Variants in NRXN3 observed in about 807,000 individuals in gnomAD.
NRXN3 encodes neurexin 3.
A neutral mutation model predicts 137.6 loss-of-function variants in NRXN3; 32 were observed. The ratio of observed to expected loss-of-function variants is 0.23; its 90% CI spans 0.18 to 0.31. The LOEUF (loss-of-function observed/expected upper bound fraction) is 0.31, where lower values mean the gene tolerates loss of function less well. Among genes scored for constraint, NRXN3 ranks in the 10% least tolerant of loss-of-function variants. The pLI, the probability that NRXN3 is intolerant of heterozygous loss-of-function variation, is 1.00. For missense variants in NRXN3, 1,574 were observed against 2,062.5 expected (o/e 0.76, Z 4.59); for synonymous variants, 798 against 784.5 (o/e 1.02, Z -0.29).
intron 4 of NRXN3, among the ~76,000 whole-genome samples, chr14:78,340,696 A>G (rs185529542): frequency 1.4e-4 from 22 of 152,256 alleles, no homozygotes; most frequent in African/African-American, 4.8e-4. Flanking sequence ...AAGAATGAAA[A>G]TAGAAATTGT....
intron 4 of NRXN3, among the ~76,000 whole-genome samples, chr14:78,577,351 G>A (rs746436943): frequency 1.3e-5 from 2 of 152,194 alleles, no homozygotes; most frequent in Non-Finnish European, 2.9e-5. Flanking sequence ...TTCCAAAGAT[G>A]TATGGGTATT....
rs150808263 is a variant in NRXN3 at position 79,566,795 on chromosome 14, T to C, written c.3445-96983T>C. 5.3e-3 allele frequency among the ~76,000 whole-genome samples: 799 copies of C among 151,816 alleles called. 6 individuals are homozygous for C. Among genetic ancestry groups the C allele is most frequent in the African/African-American group, 0.018 (762 of 41,516 alleles). ...AATGATCTGTAAAAAATCACTTAGT[T>C]GGAACACTTTGTTCATCCTCTAGCA... On this transcript the variant is annotated intron_variant, in intron 16 of 20. Coordinates refer to ENST00000335750, the MANE Select transcript of NRXN3 (RefSeq NM_001330195.2).
chr14:79,079,755 C>T lies in NRXN3; in HGVS notation c.3262+91614C>T, dbSNP rs375620950. 8.5e-5 allele frequency among the ~76,000 whole-genome samples: 13 copies of T among 152,062 alleles called. No individual in the cohort carries two copies. In the South Asian group the frequency reaches 1.0e-3, roughly 12 times the overall value. ...TTGTAATCCCAGCATTTTGGGAGGC[C>T]GAGGCGGGTGGATCACAAGGTCAGG... is the stretch of plus-strand genomic sequence containing the variant. On this transcript the variant is annotated intron_variant, in intron 15 of 20. Coordinates refer to ENST00000335750, the MANE Select transcript of NRXN3 (RefSeq NM_001330195.2).
At chr14:78,640,600 G>A (rs891337904) in intron 4 of NRXN3, among the ~76,000 whole-genome samples, 1 of 152,184 alleles carries the variant, frequency 6.6e-6, no homozygotes, top group African/African-American at 2.4e-5. Context: ...GGGGAAAGAA[G>A]TGAAGAACAG....
intron 6 of NRXN3, among the ~76,000 whole-genome samples, chr14:78,661,171 A>G (rs1255163351): frequency 6.6e-6 from 1 of 152,226 alleles, no homozygotes; most frequent in Non-Finnish European, 1.5e-5. Context: ...GTGCAATATT[A>G]ACAGAATGTA....
intron 8 of NRXN3, among the ~76,000 whole-genome samples, chr14:78,719,672 T>C (rs1213270480): frequency 3.3e-5 from 5 of 152,034 alleles, no homozygotes; most frequent in Non-Finnish European, 7.4e-5. Flanking sequence ...CAAAACCCCG[T>C]CTCTACTAAA....
chr14:78,219,143 A>G (rs1414092854), intron 1 of NRXN3, among the ~76,000 whole-genome samples: 1 of 121,782 alleles, frequency 8.2e-6, no homozygotes, highest in East Asian at 2.0e-4. Flanking sequence ...TACTGGGGTT[A>G]GGAGTTTTGG....
chr14:78,878,497 A>AT (rs796707630), intron 10 of NRXN3, among the ~76,000 whole-genome samples: 3 of 152,042 alleles, frequency 2.0e-5, no homozygotes, highest in Admixed American at 6.5e-5. Context: ...AGTGAAAGAA[A>AT]TTTTTTTTCT....
intron 15 of NRXN3, among the ~76,000 whole-genome samples, chr14:79,078,858 T>C (rs1035297997): frequency 6.6e-6 from 1 of 152,150 alleles, no homozygotes; most frequent in Non-Finnish European, 1.5e-5. Context: ...GAGAGGAAGT[T>C]ATACTAGATG....
intron 4 of NRXN3, among the ~76,000 whole-genome samples, chr14:78,620,378 G>A (rs146712672): frequency 1.5e-4 from 23 of 152,296 alleles, no homozygotes; most frequent in Admixed American, 1.5e-3. Context: ...TAACCTGCTT[G>A]TACTGTTTCT....
chr14:78,659,549 G>A (rs1460431194), intron 6 of NRXN3, among the ~76,000 whole-genome samples: 1 of 151,988 alleles, frequency 6.6e-6, no homozygotes, highest in Non-Finnish European at 1.5e-5. Context: ...GGGCATGGTG[G>A]CACACGCCTG....
At chr14:78,806,762 A>G (rs1451236620) in intron 9 of NRXN3, among the ~76,000 whole-genome samples, 2 of 152,196 alleles carry the variant, frequency 1.3e-5, no homozygotes, top group Non-Finnish European at 2.9e-5. Flanking sequence ...GATCAACCAT[A>G]TTTTGATTCT....
rs562932113 is a variant in NRXN3, at chr14:79,054,061, C to CA, written c.3262+65926dup. ...CATTCTCAGCAAACTATCGCAAGGA[C>CA]AAAAAACCAAACACCGCATGTTCTC... On this transcript the variant is annotated intron_variant, in intron 15 of 20. Transcript: ENST00000335750. Among the ~76,000 whole-genome samples the CA allele has an allele frequency of 4.8e-5, 7 of 146,910 alleles. No homozygotes were observed. The South Asian group carries it at 1.5e-3, about 32-fold the overall frequency.
At chr14:79,226,677 A>G (rs557274874) in intron 15 of NRXN3, among the ~76,000 whole-genome samples, 117 of 152,290 alleles carry the variant, frequency 7.7e-4, no homozygotes, top group African/African-American at 2.5e-3. Context: ...CAGGGTAAAC[A>G]GGCATTGCCT....
intron 15 of NRXN3, among the ~76,000 whole-genome samples, chr14:79,353,127 A>C (rs985864032): frequency 6.6e-6 from 1 of 152,106 alleles, no homozygotes; most frequent in Non-Finnish European, 1.5e-5. Context: ...GGAATCAAAT[A>C]TTTCAATACT....
At chr14:79,262,450 G>GAGGAGGA (rs956702030) in intron 15 of NRXN3, among the ~76,000 whole-genome samples, 1 of 150,596 alleles carries the variant, frequency 6.6e-6, no homozygotes, top group African/African-American at 2.4e-5. Flanking sequence ...GGAGAAAGAG[G>GAGGAGGA]AGGAGGAAGG....
intron 16 of NRXN3, among the ~76,000 whole-genome samples, chr14:79,559,139 C>A (rs2153772606): frequency 6.6e-6 from 1 of 152,288 alleles, no homozygotes; most frequent in East Asian, 1.9e-4. Context: ...TGTCAGCAAT[C>A]AGGCTGTTTT....
chr14:79,127,743 T>C (rs1364547531), intron 15 of NRXN3, among the ~76,000 whole-genome samples: 2 of 152,194 alleles, frequency 1.3e-5, no homozygotes, highest in African/African-American at 4.8e-5. Context: ...GGGGATGGTA[T>C]TGAATCTGTA....
intron 8 of NRXN3, among the ~76,000 whole-genome samples, chr14:78,747,611 TC>T (rs1459100066): frequency 1.3e-5 from 2 of 152,166 alleles, no homozygotes; most frequent in Non-Finnish European, 2.9e-5. Context: ...CTTCTCTCCA[TC>T]CCATCTGTAT....
Sources: allele counts gnomAD v4.1 joint callset (sites outside exome capture counted in the v4.1 genomes callset), GRCh38; gene constraint gnomAD v4.1.1; transcripts MANE v1.5; gene names NCBI Gene and HGNC (gene_info 2026-07-23, HGNC 2026-07-21).